GAN: variants seen among roughly 807,000 people sequenced by gnomAD.
GAN encodes the protein epididymis secretory sperm binding protein.
A neutral mutation model predicts 71.3 loss-of-function variants in GAN; 48 were observed. That is an observed-to-expected ratio of 0.67 (90% CI 0.53 to 0.86). The LOEUF is 0.86. Ranked by LOEUF, GAN falls within the 40% of genes least tolerant of loss-of-function variation. GAN has a pLI of 0.00. For missense variants in GAN, 928 were observed against 770.1 expected (o/e 1.21, Z -2.43); for synonymous variants, 386 against 276.8 (o/e 1.39, Z -3.92).
chr16:81,316,815 T>C (rs1403725692), intron 1 of GAN, among the ~76,000 whole-genome samples: 1 of 152,250 alleles, frequency 6.6e-6, no homozygotes, highest in Non-Finnish European at 1.5e-5. Context: ...ACATTTACTT[T>C]GGTGGTCTTT....
intron 1 of GAN, among the ~76,000 whole-genome samples, chr16:81,341,142 T>C (rs1909928318): frequency 6.6e-6 from 1 of 152,000 alleles, no homozygotes; most frequent in Non-Finnish European, 1.5e-5. Context: ...TATGGGACTA[T>C]GTGAAAAGAC....
In GAN at chr16:81,365,339, T is replaced by C; in HGVS notation, c.1374-11T>C. On this transcript the variant is annotated splice_polypyrimidine_tract_variant and intron_variant, in intron 8 of 10. Transcript: ENST00000648994. ...AGCTTGTGCCTGATAACGCTGTGTG[T>C]GGCCTTTCAGGTTTGGAGCGGTGGC... 1 of 1,613,992 alleles carries C rather than the reference T, an allele frequency of 6.2e-7. No homozygotes were observed. Among genetic ancestry groups the C allele is most frequent in the Non-Finnish European group, 8.5e-7 (1 of 1,180,006 alleles).
rs181596025 is a variant in GAN at position 81,345,303 on chromosome 16, T to C, written c.168-6280T>C. Among the ~76,000 whole-genome samples the C allele has an allele frequency of 9.2e-5, 14 of 152,264 alleles. No individual in the cohort carries two copies. In the East Asian group the frequency reaches 2.5e-3, roughly 27 times the overall value. Reference sequence around the variant, plus strand: ...TGTACTATAAAGACACATGCACACATATGTTTGATGCGGCACTATTCACAA... The same window carrying C: ...TGTACTATAAAGACACATGCACACACATGTTTGATGCGGCACTATTCACAA... On this transcript the variant is annotated intron_variant, in intron 1 of 10. Coordinates refer to ENST00000648994, the MANE Select transcript of GAN (RefSeq NM_022041.4).
intron 9 of GAN, among the ~76,000 whole-genome samples, chr16:81,365,931 T>A (rs562005422): frequency 6.6e-6 from 1 of 152,260 alleles, no homozygotes; most frequent in South Asian, 2.1e-4. Context: ...TAGCCTTTTG[T>A]GATATGGCCT....
chr16:81,382,475 G>C lies in GAN; in HGVS notation c.*4879G>C, dbSNP rs563424511. 6.6e-6 allele frequency: 1 copy of C among 152,180 alleles called. No individual in the cohort carries two copies. Among genetic ancestry groups the C allele is most frequent in the African/African-American group, 2.4e-5 (1 of 41,452 alleles). The allele number at this position is 152,180 out of a possible 1,614,324, so 9.4% of individuals were successfully genotyped here. A position where few individuals can be genotyped will look rare whatever the true frequency, so the allele number is the denominator to read the frequency against. ...AACAGAAGAAAGTTTCTTTGAAAGA[G>C]AAACTGTTTTTTTATTTCAAAGAGC... is the stretch of plus-strand genomic sequence containing the variant. On this transcript the variant is annotated 3_prime_UTR_variant, in exon 11 of 11. Transcript: ENST00000648994.
intron 1 of GAN, among the ~76,000 whole-genome samples, chr16:81,332,503 C>T (rs28716880): frequency 0.018 from 2,730 of 152,300 alleles, 89 homozygotes; most frequent in African/African-American, 0.063. Context: ...GTCCCCCTTC[C>T]TTGGTGTACT....
intron 1 of GAN, among the ~76,000 whole-genome samples, chr16:81,350,968 T>C (rs1597399674): frequency 6.6e-6 from 1 of 152,330 alleles, no homozygotes; most frequent in East Asian, 1.9e-4. Flanking sequence ...AGAACCAGTG[T>C]GATATGCACA....
intron 1 of GAN, among the ~76,000 whole-genome samples, chr16:81,315,702 G>A (rs1001884703): frequency 6.6e-6 from 1 of 152,208 alleles, no homozygotes; most frequent in Non-Finnish European, 1.5e-5. Flanking sequence ...CCCAGGCCGG[G>A]CCCGCGGTCC....
At chr16:81,339,909 A>C (rs903879600) in intron 1 of GAN, among the ~76,000 whole-genome samples, 1 of 152,154 alleles carries the variant, frequency 6.6e-6, no homozygotes, top group African/African-American at 2.4e-5. Context: ...TAAAGTTTTG[A>C]TACTTAACCT....
chr16:81,361,160 A>C (rs1479902520), intron 5 of GAN, among the ~76,000 whole-genome samples: 1 of 152,172 alleles, frequency 6.6e-6, no homozygotes, highest in Non-Finnish European at 1.5e-5. Flanking sequence ...AGGAGGCAGA[A>C]GTTGCAGTGA....
intron 1 of GAN, among the ~76,000 whole-genome samples, chr16:81,326,829 A>G (rs1022018282): frequency 3.3e-5 from 5 of 152,246 alleles, no homozygotes; most frequent in African/African-American, 1.2e-4. Context: ...AAAATATGGC[A>G]TGATAATCTT....
chr16:81,338,675 A>G (rs577569987), intron 1 of GAN, among the ~76,000 whole-genome samples: 123 of 152,366 alleles, frequency 8.1e-4, no homozygotes, highest in Non-Finnish European at 1.4e-3. Flanking sequence ...AGTGAAGACA[A>G]TAAGGGAGAA....
At chr16:81,347,170 C>A (rs560341341) in intron 1 of GAN, among the ~76,000 whole-genome samples, 1 of 152,156 alleles carries the variant, frequency 6.6e-6, no homozygotes, top group African/African-American at 2.4e-5. Flanking sequence ...CTTTCCTTCA[C>A]TTTTAATAAA....
intron 1 of GAN, among the ~76,000 whole-genome samples, chr16:81,350,837 G>T (rs1305195187): frequency 3.9e-5 from 6 of 152,044 alleles, no homozygotes; most frequent in Admixed American, 3.9e-4. Flanking sequence ...CTTTAACATA[G>T]CACAAAAGAG....
At chr16:81,362,362 G>A in intron 5 of GAN, 137 bp from the exon 6 acceptor site, 2 of 698,474 alleles carry the variant, frequency 2.9e-6, no homozygotes, top group Middle Eastern at 2.9e-4. Context: ...CCAATGGGAT[G>A]TGATAAAAGC....
chr16:81,315,151 C>T lies in GAN; in HGVS notation c.38C>T (p.Ala13Val). 6.5e-7 allele frequency: 1 copy of T among 1,547,234 alleles called. No homozygotes were observed. The highest frequency in any genetic ancestry group is 8.7e-7 in the Non-Finnish European group (1 of 1,148,858). ...AGTGCCGTGTCTGACCCTCAGCACG[C>T]CGCGCGTCTGCTGCGAGCGCTCAGC... is the stretch of plus-strand genomic sequence containing the variant. Reference protein sequence around the residue: ...EGSAVSDPQHAARLLRALSSF... With the variant: ...EGSAVSDPQHVARLLRALSSF... Residue 13 changes from alanine (A) to valine (V), a missense_variant, in exon 1 of 11, where the codon GCC becomes GTC. By Grantham distance (64) the Ala-to-Val change is moderately conservative (BLOSUM62 0). Coordinates refer to ENST00000648994, the MANE Select transcript of GAN (RefSeq NM_022041.4).
chr16:81,377,877 G>T lies in GAN; in HGVS notation c.*281G>T, dbSNP rs866931257. On this transcript the variant is annotated 3_prime_UTR_variant, in exon 11 of 11. Coordinates refer to ENST00000648994, the MANE Select transcript of GAN (RefSeq NM_022041.4). Reference sequence around the variant, plus strand: ...GTAAATATCAAAAGGAAAAGGGAGTGGGAATTGCTATCATGTAAAATATCA... The same window carrying T: ...GTAAATATCAAAAGGAAAAGGGAGTTGGAATTGCTATCATGTAAAATATCA... The T allele has an allele frequency of 1.9e-5, 9 of 478,896 alleles. No homozygotes were observed. The highest frequency in any genetic ancestry group is 1.5e-4 in the African/African-American group (8 of 51,648). 29.7% of individuals were successfully genotyped at this position (478,896 alleles called of 1,614,324 possible).
chr16:81,384,954 C>A lies in GAN; in HGVS notation c.*7358C>A, dbSNP rs1489690812. ...GGCCCAGTTTCAGGGCACAGTTGTA[C>A]ACATTCTACTTAAATGGAGGAGTTC... On this transcript the variant is annotated 3_prime_UTR_variant, in exon 11 of 11. Transcript: ENST00000648994. 6.5e-6 allele frequency: 1 copy of A among 154,300 alleles called. No homozygotes were observed. The highest frequency in any genetic ancestry group is 1.5e-5 in the Non-Finnish European group (1 of 68,202). 9.6% of individuals were successfully genotyped at this position (154,300 alleles called of 1,614,324 possible).
At chr16:81,358,826 C>T (rs1275878964) in intron 5 of GAN, among the ~76,000 whole-genome samples, 1 of 152,182 alleles carries the variant, frequency 6.6e-6, no homozygotes, top group African/African-American at 2.4e-5. Flanking sequence ...CGCCGTGGTC[C>T]TGCTCCCTTG....
Sources: allele counts gnomAD v4.1 joint callset (sites outside exome capture counted in the v4.1 genomes callset), GRCh38; gene constraint gnomAD v4.1.1; transcripts MANE v1.5; gene names NCBI Gene and HGNC (gene_info 2026-07-23, HGNC 2026-07-21).